The following CLNK variants were observed in gnomAD, a reference collection of about 807,000 sequenced individuals.
The protein encoded by CLNK is cytokine dependent hematopoietic cell linker.
CLNK carries 74 observed loss-of-function variants against 68.6 expected under a neutral mutation model. The observed-to-expected ratio is 1.08, with a 90% CI of 0.89 to 1.31. CLNK has a LOEUF of 1.31. Among genes scored for constraint, CLNK ranks in the 50% most tolerant of loss-of-function variants. The pLI, the probability that CLNK is intolerant of heterozygous loss-of-function variation, is 0.00. For synonymous variants in CLNK, 198 were observed against 172.2 expected, an observed-to-expected ratio of 1.15 and a Z score of -1.17; for missense variants, 553 against 515.3, an observed-to-expected ratio of 1.07 and a Z score of -0.71.
chr4:10,489,662 C>A lies in CLNK; in HGVS notation c.*805G>T, dbSNP rs1286961757. 2.4e-5 allele frequency: 2 copies of A among 82,310 alleles called. No homozygotes were observed. Among genetic ancestry groups the A allele is most frequent in the Non-Finnish European group, 5.5e-5 (2 of 36,142 alleles). The allele number at this position is 82,310 out of a possible 1,614,324, so 5.1% of individuals were successfully genotyped here. A position where few individuals can be genotyped will look rare whatever the true frequency, so the allele number is the denominator to read the frequency against. On this transcript the variant is annotated 3_prime_UTR_variant, in exon 19 of 19. Transcript: ENST00000226951. ...TAAAAGAGAGCTAATATTCACCAACCCAACACCTTTTTTTTTTTTTGAGAC... is the reference window on the plus strand; with the variant it reads ...TAAAAGAGAGCTAATATTCACCAACACAACACCTTTTTTTTTTTTTGAGAC...
intron 2 of CLNK, among the ~76,000 whole-genome samples, chr4:10,601,950 A>G (rs1260037343): frequency 6.6e-6 from 1 of 152,214 alleles, no homozygotes; most frequent in Non-Finnish European, 1.5e-5. Flanking sequence ...CTTGTAGGGA[A>G]ACTGAGGTAC....
At chr4:10,643,743 C>G (rs1723406696) in intron 2 of CLNK, among the ~76,000 whole-genome samples, 1 of 152,216 alleles carries the variant, frequency 6.6e-6, no homozygotes, top group Non-Finnish European at 1.5e-5. Context: ...GTTGTAAACT[C>G]TCAGTGTCAC....
chr4:10,602,486 G>A (rs1721623684), intron 2 of CLNK, among the ~76,000 whole-genome samples: 1 of 152,146 alleles, frequency 6.6e-6, no homozygotes, highest in African/African-American at 2.4e-5. Flanking sequence ...TGTGAAGATG[G>A]CGGAGATTGG....
At chr4:10,710,275 G>T in the CLNK span, among the ~76,000 whole-genome samples, 1 of 152,032 alleles carries the variant, frequency 6.6e-6, no homozygotes, top group Non-Finnish European at 1.5e-5. Context: ...AAGAGTGGTT[G>T]GTTTTCCGTG....
intron 17 of CLNK, among the ~76,000 whole-genome samples, chr4:10,506,040 G>T (rs1013245273): frequency 6.6e-6 from 1 of 151,990 alleles, no homozygotes; most frequent in Non-Finnish European, 1.5e-5. Context: ...GTACTGGTTA[G>T]CTGGGGATAG....
intron 11 of CLNK, among the ~76,000 whole-genome samples, chr4:10,537,671 CT>C: frequency 1.5e-5 from 1 of 66,474 alleles, no homozygotes; most frequent in African/African-American, 6.7e-5. Flanking sequence ...TTCTTTCTTT[CT>C]TTCTTTCTTC....
At chr4:10,666,370 G>A (rs1017900224) in intron 2 of CLNK, among the ~76,000 whole-genome samples, 2 of 152,166 alleles carry the variant, frequency 1.3e-5, no homozygotes, top group Non-Finnish European at 2.9e-5. Flanking sequence ...CATTTGCCAC[G>A]TTTATCCCCA....
intron 8 of CLNK, among the ~76,000 whole-genome samples, chr4:10,557,994 G>A (rs553283811): frequency 1.4e-4 from 21 of 152,118 alleles, no homozygotes; most frequent in African/African-American, 4.6e-4. Flanking sequence ...CTGTATTTTC[G>A]TCTTCAAATT....
At chr4:10,666,097 C>T (rs147008860) in intron 2 of CLNK, among the ~76,000 whole-genome samples, 21 of 152,222 alleles carry the variant, frequency 1.4e-4, no homozygotes, top group South Asian at 6.2e-4. Context: ...GATGCGGCCA[C>T]GGGCAAGGAA....
At chr4:10,620,290 G>C (rs1558199) in intron 2 of CLNK, among the ~76,000 whole-genome samples, 105,170 of 151,988 alleles carry the variant, frequency 0.69, 37,376 homozygotes, top group East Asian at 0.77. Flanking sequence ...ATTTTACTAG[G>C]AGGCTGTTGC....
At chr4:10,728,362 C>A in the CLNK span, among the ~76,000 whole-genome samples, 2 of 149,954 alleles carry the variant, frequency 1.3e-5, no homozygotes, top group African/African-American at 4.9e-5. Flanking sequence ...CAAACAGGAA[C>A]AAAGCAACAT....
intron 2 of CLNK, among the ~76,000 whole-genome samples, chr4:10,616,524 T>G (rs779268197): frequency 6.6e-5 from 10 of 152,180 alleles, no homozygotes; most frequent in Non-Finnish European, 1.2e-4. Flanking sequence ...GTTGTTCCAC[T>G]TTTGTTTTAC....
At chr4:10,662,048 A>T (rs1724213869) in intron 2 of CLNK, among the ~76,000 whole-genome samples, 2 of 152,210 alleles carry the variant, frequency 1.3e-5, no homozygotes, top group South Asian at 2.1e-4. Context: ...GCAAGAAAAG[A>T]ACTGCTAGGT....
chr4:10,660,333 G>C (rs568968788), intron 2 of CLNK, among the ~76,000 whole-genome samples: 17 of 152,292 alleles, frequency 1.1e-4, no homozygotes, highest in African/African-American at 4.1e-4. Flanking sequence ...TAAAACGACT[G>C]TAATAACATT....
chr4:10,679,003 G>GA (rs912095168), intron 1 of CLNK, among the ~76,000 whole-genome samples: 20 of 151,782 alleles, frequency 1.3e-4, no homozygotes, highest in East Asian at 9.7e-4. Context: ...CACTGAATTG[G>GA]AAAAAAAACT....
intron 8 of CLNK, among the ~76,000 whole-genome samples, chr4:10,551,930 C>T (rs1380978235): frequency 6.6e-6 from 1 of 151,594 alleles, no homozygotes; most frequent in Non-Finnish European, 1.5e-5. Flanking sequence ...TCACTGCAAC[C>T]TCTGCCTCCC....
At chr4:10,605,656 C>T (rs1306773627) in intron 2 of CLNK, among the ~76,000 whole-genome samples, 8 of 151,598 alleles carry the variant, frequency 5.3e-5, no homozygotes, top group African/African-American at 7.3e-5. Flanking sequence ...GGTAAAACCC[C>T]GTCTCTACTA....
the CLNK span, among the ~76,000 whole-genome samples, chr4:10,690,574 T>A: frequency 7.7e-4 from 117 of 152,350 alleles, 1 homozygote; most frequent in East Asian, 0.021. Context: ...ATTGCTGAGC[T>A]CACACTACTT....
intron 2 of CLNK, among the ~76,000 whole-genome samples, chr4:10,606,408 C>T (rs1188516174): frequency 1.3e-5 from 2 of 151,888 alleles, no homozygotes; most frequent in African/African-American, 4.8e-5. Context: ...CAAGAACCTG[C>T]CTGAGGTTGT....
Sources: allele counts gnomAD v4.1 joint callset (sites outside exome capture counted in the v4.1 genomes callset), GRCh38; gene constraint gnomAD v4.1.1; transcripts MANE v1.5; gene names NCBI Gene and HGNC (gene_info 2026-07-23, HGNC 2026-07-21).